The following AGFG2 variants were observed in gnomAD, a reference collection of about 807,000 sequenced individuals.
AGFG2 encodes the protein ArfGAP with FG repeats 2.
AGFG2 carries 31 observed loss-of-function variants against 48.0 expected under a neutral mutation model. The observed-to-expected ratio is 0.65, with a 90% CI of 0.49 to 0.87. The LOEUF (loss-of-function observed/expected upper bound fraction) is 0.87, where lower values mean the gene tolerates loss of function less well. AGFG2 is among the 40% of genes least tolerant of loss of function. AGFG2 has a pLI of 0.00. For synonymous variants in AGFG2, 229 were observed against 260.8 expected (o/e 0.88, Z 1.18); for missense variants, 599 against 632.6 (o/e 0.95, Z 0.57).
At chr7:100,555,126 C>T (rs1452054555) in intron 5 of AGFG2, among the ~76,000 whole-genome samples, 1 of 152,022 alleles carries the variant, frequency 6.6e-6, no homozygotes, top group Non-Finnish European at 1.5e-5. Context: ...GCCCCAGGCC[C>T]CACCCATTTC....
chr7:100,539,424 G>C lies in AGFG2; in HGVS notation c.78G>C (p.Ser26=), dbSNP rs1313630791. 1 of 1,325,120 alleles carries C rather than the reference G, an allele frequency of 7.5e-7. No individual in the cohort carries two copies. Among genetic ancestry groups the C allele is most frequent in the Non-Finnish European group, 9.7e-7 (1 of 1,034,518 alleles). The allele number at this position is 1,325,120 out of a possible 1,614,324, so 82.1% of individuals were successfully genotyped here. A position where few individuals can be genotyped will look rare whatever the true frequency, so the allele number is the denominator to read the frequency against. ...SGGKAEAEAA[S]EVWCRRVREL... ...GCAAGGCGGAGGCGGAGGCGGCCTC[G>C]GAGGTGTGGTGCCGTCGGGTGCGGG... The change falls in exon 1 of 12, where the codon TCG becomes TCC. Residue 26 remains serine (S), a synonymous_variant. Coordinates refer to ENST00000300176, the MANE Select transcript of AGFG2 (RefSeq NM_006076.5).
intron 1 of AGFG2, among the ~76,000 whole-genome samples, chr7:100,548,509 C>T (rs1800557200): frequency 6.6e-6 from 1 of 152,058 alleles, no homozygotes; most frequent in Non-Finnish European, 1.5e-5. Context: ...GACAGGTTTT[C>T]ACCATATTGG....
chr7:100,563,698 C>A, intron 9 of AGFG2, 136 bp from the exon 10 acceptor site: 1 of 1,310,640 alleles, frequency 7.6e-7, no homozygotes, highest in Non-Finnish European at 1.1e-6. Flanking sequence ...CAGAAGAGTT[C>A]CATGGCTGGG....
intron 6 of AGFG2, among the ~76,000 whole-genome samples, chr7:100,558,168 C>T (rs1002829993): frequency 3.3e-5 from 5 of 152,134 alleles, no homozygotes; most frequent in African/African-American, 7.2e-5. Context: ...GAGCAGACAT[C>T]GTGCTGTTGC....
At position 100,539,299 on chromosome 7, in the gene AGFG2, A is replaced by G. The variant is rs1165314340; in HGVS notation, c.-48A>G. The G allele has an allele frequency of 1.6e-6, 2 of 1,263,990 alleles. No individual in the cohort carries two copies. Among genetic ancestry groups the G allele is most frequent in the African/African-American group, 1.6e-5 (1 of 64,234 alleles). The allele number at this position is 1,263,990 out of a possible 1,614,324, so 78.3% of individuals were successfully genotyped here. The stretch of plus-strand genomic sequence containing the variant: ...GCGGCTGAGGAGGCGGGAAGGCGGC[A>G]GTGGTTGAAGGGGTGATTGCTGACT... On this transcript the variant is annotated 5_prime_UTR_variant, in exon 1 of 12. Coordinates refer to ENST00000300176, the MANE Select transcript of AGFG2 (RefSeq NM_006076.5).
chr7:100,542,523 G>C (rs1800440756), intron 1 of AGFG2, among the ~76,000 whole-genome samples: 1 of 152,220 alleles, frequency 6.6e-6, no homozygotes, highest in Non-Finnish European at 1.5e-5. Context: ...AATTTCAGGA[G>C]AAACTCTGCA....
At chr7:100,548,335 G>A (rs1800554359) in intron 1 of AGFG2, among the ~76,000 whole-genome samples, 1 of 151,898 alleles carries the variant, frequency 6.6e-6, no homozygotes, top group East Asian at 1.9e-4. Context: ...TGGGAGTGGG[G>A]ACAGAGTCTT....
intron 1 of AGFG2, among the ~76,000 whole-genome samples, chr7:100,542,398 T>C (rs953287478): frequency 6.6e-6 from 1 of 152,170 alleles, no homozygotes; most frequent in Non-Finnish European, 1.5e-5. Flanking sequence ...TATTTTGGTG[T>C]TTGGGAAATG....
At chr7:100,564,762 C>A (rs981082497) in intron 11 of AGFG2, among the ~76,000 whole-genome samples, 170 bp from the exon 12 acceptor site, 4 of 152,134 alleles carry the variant, frequency 2.6e-5, no homozygotes, top group African/African-American at 4.8e-5. Context: ...CCTTGGCCTG[C>A]CAAAGGGCTG....
At chr7:100,554,320 A>G in intron 5 of AGFG2, 62 bp downstream of exon 5, 1 of 1,528,556 alleles carries the variant, frequency 6.5e-7, no homozygotes, top group Non-Finnish European at 8.8e-7. Flanking sequence ...TGAGAGATCC[A>G]GTCCCTGGAG....
chr7:100,567,260 A>G lies in AGFG2; in HGVS notation c.*2269A>G, dbSNP rs1036964595. 3.3e-5 allele frequency: 5 copies of G among 152,580 alleles called. No individual in the cohort carries two copies. Among genetic ancestry groups the G allele is most frequent in the African/African-American group, 9.6e-5 (4 of 41,466 alleles). 9.5% of individuals were successfully genotyped at this position (152,580 alleles called of 1,614,324 possible). A position where few individuals can be genotyped will look rare whatever the true frequency, so the allele number is the denominator to read the frequency against. ...CCAGCAGCTCAGGCTCCAGCCCTCCAGTGAGCCGCCTCTCCTGGAGAGTAG... is the reference window on the plus strand; with the variant it reads ...CCAGCAGCTCAGGCTCCAGCCCTCCGGTGAGCCGCCTCTCCTGGAGAGTAG... On this transcript the variant is annotated 3_prime_UTR_variant, in exon 12 of 12. Coordinates refer to ENST00000300176, the MANE Select transcript of AGFG2 (RefSeq NM_006076.5).
chr7:100,559,818 CAA>C (rs199577248), intron 6 of AGFG2, among the ~76,000 whole-genome samples: 36 of 97,360 alleles, frequency 3.7e-4, no homozygotes, highest in Admixed American at 6.6e-4. Context: ...GACCCTGTCT[CAA>C]AAAAAAAAAA....
intron 6 of AGFG2, among the ~76,000 whole-genome samples, chr7:100,559,334 TC>T (rs1362159577): frequency 1.3e-5 from 2 of 152,102 alleles, no homozygotes; most frequent in Admixed American, 6.6e-5. Flanking sequence ...ATGCAGGTGT[TC>T]CCGTGAGTGT....
At chr7:100,541,998 G>A (rs1355916910) in intron 1 of AGFG2, among the ~76,000 whole-genome samples, 1 of 152,026 alleles carries the variant, frequency 6.6e-6, no homozygotes, top group East Asian at 1.9e-4. Flanking sequence ...AGGTATCTGG[G>A]ACACGTTAAA....
At position 100,539,253 on chromosome 7, in the gene AGFG2, A is replaced by T. The variant is rs567303424; in HGVS notation, c.-94A>T. ...TGCCGCCCGCTCCCGAGCTTCTGTC[A>T]GGGGAGCCGGGCGTGCGGAGGCGGC... On this transcript the variant is annotated 5_prime_UTR_variant, in exon 1 of 12. Coordinates refer to ENST00000300176, the MANE Select transcript of AGFG2 (RefSeq NM_006076.5). 3.6e-5 allele frequency: 44 copies of T among 1,209,080 alleles called. No individual in the cohort carries two copies. The South Asian group carries it at 9.7e-4, about 27-fold the overall frequency. The allele number at this position is 1,209,080 out of a possible 1,614,324, so 74.9% of individuals were successfully genotyped here.
intron 6 of AGFG2, among the ~76,000 whole-genome samples, chr7:100,558,642 C>A (rs28662183): frequency 6.6e-6 from 1 of 151,134 alleles, no homozygotes; most frequent in Non-Finnish European, 1.5e-5. Context: ...CTCGGGTTCA[C>A]GCTATTCTCC....
At chr7:100,564,822 C>T in intron 11 of AGFG2, 110 bp from the exon 12 acceptor site, 2 of 1,255,890 alleles carry the variant, frequency 1.6e-6, no homozygotes, top group Non-Finnish European at 2.3e-6. Flanking sequence ...CTCACTTTCC[C>T]ACTGCCCTCA....
intron 6 of AGFG2, among the ~76,000 whole-genome samples, chr7:100,557,464 T>C (rs924817260): frequency 6.6e-6 from 1 of 152,160 alleles, no homozygotes; most frequent in Non-Finnish European, 1.5e-5. Flanking sequence ...GTTGTTTTGT[T>C]GTTTGTGTGT....
intron 2 of AGFG2, among the ~76,000 whole-genome samples, chr7:100,549,204 T>C (rs1800574959): frequency 6.6e-6 from 1 of 152,188 alleles, no homozygotes; most frequent in African/African-American, 2.4e-5. Context: ...AGCGTGAGCA[T>C]TCAGAGTTGA....
Sources: gnomAD v4.1 joint callset for allele counts (sites outside exome capture counted in the v4.1 genomes callset) on GRCh38, gnomAD v4.1.1 for gene constraint, MANE v1.5 for transcripts, NCBI Gene and HGNC (gene_info 2026-07-23, HGNC 2026-07-21) for gene names.